Variants in HSD17B3 observed in about 807,000 individuals in gnomAD.
HSD17B3 encodes the protein 17-beta-hydroxysteroid dehydrogenase type 3.
Under a neutral mutation model 41.1 loss-of-function variants are expected in HSD17B3, and 29 were observed. That is an observed-to-expected ratio of 0.71 (90% CI 0.53 to 0.96). The LOEUF (loss-of-function observed/expected upper bound fraction) is 0.96. Among genes scored for constraint, HSD17B3 ranks in the 40% least tolerant of loss-of-function variants. HSD17B3 has a pLI of 0.00. For missense variants in HSD17B3, 323 were observed against 374.6 expected (o/e 0.86, Z 1.14); for synonymous variants, 126 against 145.6 (o/e 0.87, Z 0.97).
chr9:96,298,343 T>C, intron 2 of HSD17B3, 73 bp downstream of exon 2: 2 of 1,144,070 alleles, frequency 1.7e-6, no homozygotes, highest in Admixed American at 3.4e-5. Flanking sequence ...AAAAATCTAG[T>C]GTTGGGGTGG....
chr9:96,252,039 A>G (rs1825436271), intron 4 of HSD17B3, among the ~76,000 whole-genome samples: 1 of 152,232 alleles, frequency 6.6e-6, no homozygotes, highest in South Asian at 2.1e-4. Flanking sequence ...GCGGCCGTAA[A>G]GTATCTTGTC....
intron 2 of HSD17B3, among the ~76,000 whole-genome samples, chr9:96,274,029 C>T (rs993720756): frequency 1.2e-4 from 18 of 152,186 alleles, no homozygotes; most frequent in Admixed American, 9.8e-4. Flanking sequence ...GGAAACATGA[C>T]ACAACTAAAG....
intron 10 of HSD17B3, among the ~76,000 whole-genome samples, chr9:96,238,514 T>A (rs1190204028): frequency 6.6e-6 from 1 of 152,132 alleles, no homozygotes; most frequent in Non-Finnish European, 1.5e-5. Flanking sequence ...ATACAAAAAT[T>A]AGCCAGTTGT....
intron 4 of HSD17B3, 129 bp from the exon 5 acceptor site, chr9:96,251,614 TG>T (rs1564030192): frequency 4.9e-6 from 4 of 823,240 alleles, no homozygotes; most frequent in African/African-American, 1.7e-5. Flanking sequence ...GTGAGGAAAC[TG>T]GGGGGAAGTT....
intron 9 of HSD17B3, among the ~76,000 whole-genome samples, chr9:96,242,014 A>AG (rs11453214): frequency 7.5e-6 from 1 of 133,704 alleles, no homozygotes; most frequent in African/African-American, 2.8e-5. Context: ...AGAGAAAGAA[A>AG]AGAAAGAAAA....
In HSD17B3 at chr9:96,277,391, T is replaced by C. The variant is rs142172224; in HGVS notation, c.201+21025A>G. Reference sequence around the variant, plus strand: ...TAGCAAAACAAAACAAATAACGTGATTTTAAAAAAGGAAGAAGGATGTAAA... The same window carrying C: ...TAGCAAAACAAAACAAATAACGTGACTTTAAAAAAGGAAGAAGGATGTAAA... On this transcript the variant is annotated intron_variant, in intron 2 of 10. Coordinates refer to ENST00000375263, the MANE Select transcript of HSD17B3 (RefSeq NM_000197.2). 9.5e-4 allele frequency among the ~76,000 whole-genome samples: 145 copies of C among 152,220 alleles called. 1 individual carries two copies. The highest frequency in any genetic ancestry group is 3.1e-3 in the African/African-American group (129 of 41,540).
At chr9:96,294,296 AAGG>A (rs1827268166) in intron 2 of HSD17B3, among the ~76,000 whole-genome samples, 1 of 152,338 alleles carries the variant, frequency 6.6e-6, no homozygotes, top group African/African-American at 2.4e-5. Context: ...AAAAGTCCAC[AAGG>A]AGAAGTACAA....
chr9:96,277,229 C>T (rs982170776), intron 2 of HSD17B3, among the ~76,000 whole-genome samples: 3 of 149,474 alleles, frequency 2.0e-5, no homozygotes, highest in Admixed American at 6.7e-5. Flanking sequence ...ATGCATCAAA[C>T]TAAAAAGCAT....
chr9:96,302,005 T>G lies in HSD17B3; in HGVS notation c.100A>C (p.Asn34His), dbSNP rs1338488980. ...CVRFSRCVLL[N>H]YWKVLPKSFL... ...GACTTTGGCAAAACTTTCCAGTAGTTCAGTAAAACACATCTGGAGAATCTC... is the reference window on the plus strand; with the variant it reads ...GACTTTGGCAAAACTTTCCAGTAGTGCAGTAAAACACATCTGGAGAATCTC... The change falls in exon 1 of 11, where the codon AAC becomes CAC. Residue 34 changes from asparagine to histidine, a missense_variant. By Grantham distance (68) the Asn-to-His change is moderately conservative. Transcript: ENST00000375263. 3 of 1,613,934 alleles carry G rather than the reference T, an allele frequency of 1.9e-6. No homozygotes were observed. The highest frequency in any genetic ancestry group is 2.5e-6 in the Non-Finnish European group (3 of 1,179,980).
chr9:96,241,961 AAAAG>A (rs10639612), intron 9 of HSD17B3, among the ~76,000 whole-genome samples: 3,673 of 100,666 alleles, frequency 0.036, 87 homozygotes, highest in East Asian at 0.11. Flanking sequence ...AAAGAACAGA[AAAAG>A]AAAGAAAGAA....
intron 10 of HSD17B3, among the ~76,000 whole-genome samples, chr9:96,236,191 C>T (rs1836232138): frequency 6.6e-6 from 1 of 151,896 alleles, no homozygotes; most frequent in Non-Finnish European, 1.5e-5. Context: ...CCCCACTTGT[C>T]TTCAAGTCCT....
At chr9:96,244,690 G>C (rs1349364166) in intron 8 of HSD17B3, among the ~76,000 whole-genome samples, 1 of 151,976 alleles carries the variant, frequency 6.6e-6, no homozygotes, top group African/African-American at 2.4e-5. Flanking sequence ...AGTATGTGAG[G>C]TCATGGATAT....
chr9:96,252,802 C>A lies in HSD17B3; in HGVS notation c.385+1G>T. 1 of 1,541,204 alleles carries A rather than the reference C, an allele frequency of 6.5e-7. No homozygotes were observed. The highest frequency in any genetic ancestry group is 9.0e-7 in the Non-Finnish European group (1 of 1,113,682). Reference sequence around the variant, plus strand: ...AGCTTTGCATCTTGCAATTTACTCACCTAAAATTCCAATTTCTAAGCCTGC... The same window carrying A: ...AGCTTTGCATCTTGCAATTTACTCAACTAAAATTCCAATTTCTAAGCCTGC... On this transcript the variant is annotated splice_donor_variant, in intron 4 of 10. Transcript: ENST00000375263. LOFTEE classifies it high-confidence loss of function.
At chr9:96,275,572 C>G (rs1826419179) in intron 2 of HSD17B3, among the ~76,000 whole-genome samples, 1 of 150,502 alleles carries the variant, frequency 6.6e-6, no homozygotes, top group Non-Finnish European at 1.5e-5. Context: ...AGAGTGAGAC[C>G]CTATCTCAGA....
chr9:96,300,607 TTGTGTGTGTGTG>T (rs10545828), intron 1 of HSD17B3, among the ~76,000 whole-genome samples: 1 of 109,808 alleles, frequency 9.1e-6, no homozygotes, highest in Non-Finnish European at 2.0e-5. Flanking sequence ...ATTGGATTCT[TTGTGTGTGTGTG>T]TGTGTGTGTG....
At chr9:96,288,445 C>G (rs954502188) in intron 2 of HSD17B3, among the ~76,000 whole-genome samples, 1 of 152,086 alleles carries the variant, frequency 6.6e-6, no homozygotes, top group Non-Finnish European at 1.5e-5. Context: ...CAAGTTCCCC[C>G]CAACCTGCAA....
chr9:96,245,758 T>A (rs1018173667), intron 7 of HSD17B3, among the ~76,000 whole-genome samples: 2 of 152,186 alleles, frequency 1.3e-5, no homozygotes, highest in Admixed American at 1.3e-4. Context: ...CAGCTCAGGA[T>A]TTAAGGGGAG....
chr9:96,288,271 T>C lies in HSD17B3; in HGVS notation c.201+10145A>G, dbSNP rs187078197. Among the ~76,000 whole-genome samples the C allele has an allele frequency of 3.0e-3, 460 of 152,328 alleles. 2 individuals are homozygous for C. The highest frequency in any genetic ancestry group is 4.8e-3 in the Non-Finnish European group (328 of 68,042). On this transcript the variant is annotated intron_variant, in intron 2 of 10. Transcript: ENST00000375263. The stretch of plus-strand genomic sequence containing the variant: ...ACACTTGGGTGAATTTTATGGTATA[T>C]AAATTATATCTCAAAAAGCTGTTCA...
chr9:96,289,264 G>T (rs530094166), intron 2 of HSD17B3, among the ~76,000 whole-genome samples: 1 of 151,976 alleles, frequency 6.6e-6, no homozygotes, highest in African/African-American at 2.4e-5. Flanking sequence ...GACTGCGTGT[G>T]TGGGGGCAGA....
Sources: gnomAD v4.1 joint callset for allele counts (sites outside exome capture counted in the v4.1 genomes callset) on GRCh38, gnomAD v4.1.1 for gene constraint, MANE v1.5 for transcripts, NCBI Gene and HGNC (gene_info 2026-07-23, HGNC 2026-07-21) for gene names.